The following ATAD3A variants were observed in gnomAD, a reference collection of about 807,000 sequenced individuals.
The protein encoded by ATAD3A is ATPase family AAA domain containing 3A.
Under a neutral mutation model 73.8 loss-of-function variants are expected in ATAD3A, and 46 were observed. The observed-to-expected ratio is 0.62, with a 90% confidence interval of 0.49 to 0.80. The LOEUF (loss-of-function observed/expected upper bound fraction) is 0.80, where lower values mean the gene tolerates loss of function less well. Among genes scored for constraint, ATAD3A ranks in the 30% least tolerant of loss-of-function variants. The pLI is 0.00. For synonymous variants in ATAD3A, 319 were observed against 350.0 expected, an observed-to-expected ratio of 0.91 and a Z score of 0.99; for missense variants, 705 against 838.0, an observed-to-expected ratio of 0.84 and a Z score of 1.96.
intron 4 of ATAD3A, among the ~76,000 whole-genome samples, chr1:1,518,067 G>A (rs1641427479): frequency 6.6e-6 from 1 of 150,846 alleles, no homozygotes; most frequent in African/African-American, 2.4e-5. Context: ...CTGCACACAC[G>A]GGCACACACA....
rs1313616864 is a variant in ATAD3A at position 1,526,963 on chromosome 1, G to A, written c.1337+432G>A. 7.2e-5 allele frequency among the ~76,000 whole-genome samples: 11 copies of A among 152,244 alleles called. No individual in the cohort carries two copies. The East Asian group carries it at 1.7e-3, about 24-fold the overall frequency. The stretch of plus-strand genomic sequence containing the variant: ...ACCAGCAGGTCCTGTGTGTCGGGGC[G>A]GAACCTGGGACCTTGGTCCCCCGCC... On this transcript the variant is annotated intron_variant, in intron 13 of 15. Coordinates refer to ENST00000378756, the MANE Select transcript of ATAD3A (RefSeq NM_001170535.3).
chr1:1,532,863 T>C (rs1235414173), intron 15 of ATAD3A, among the ~76,000 whole-genome samples: 33 of 146,522 alleles, frequency 2.3e-4, no homozygotes, highest in Non-Finnish European at 2.6e-4. Flanking sequence ...GGTGCGGCTC[T>C]GGTCAGTGTC....
In ATAD3A at chr1:1,534,060, C is replaced by T. The variant is rs138170400; in HGVS notation, c.1749C>T (p.Pro583=). Reference sequence around the variant, plus strand: ...AAGGGCCTGGGCGTGGGGACGAGCCCTCCCCATCCTGAGTCCACAGGGAGA... The same window carrying T: ...AAGGGCCTGGGCGTGGGGACGAGCCTTCCCCATCCTGAGTCCACAGGGAGA... The part of the protein sequence containing the change: ...KAEGPGRGDE[P]SPS Residue 583 remains proline, a synonymous_variant, in exon 16 of 16, where the codon CCC becomes CCT. Transcript: ENST00000378756. 10,010 of 1,613,346 alleles carry T rather than the reference C, an allele frequency of 6.2e-3. 47 individuals are homozygous for T. The highest frequency in any genetic ancestry group is 7.5e-3 in the Non-Finnish European group (8,868 of 1,179,820).
At chr1:1,522,153 C>T (rs1237332040) in intron 7 of ATAD3A, among the ~76,000 whole-genome samples, 1 of 152,174 alleles carries the variant, frequency 6.6e-6, no homozygotes, top group African/African-American at 2.4e-5. Context: ...GATTCTCCTG[C>T]CTCAGCCTCC....
intron 10 of ATAD3A, 30 bp from the exon 11 acceptor site, chr1:1,524,243 G>A: frequency 6.2e-7 from 1 of 1,613,788 alleles, no homozygotes; most frequent in Non-Finnish European, 8.5e-7. Context: ...GGGAACATCT[G>A]CTCTGTCTCC....
chr1:1,518,498 G>A (rs186377881), intron 4 of ATAD3A, among the ~76,000 whole-genome samples: 1,162 of 56,250 alleles, frequency 0.021, no homozygotes, highest in Admixed American at 0.087. Flanking sequence ...ACATGGGCAC[G>A]CACACAACCC....
intron 13 of ATAD3A, 100 bp from the exon 14 acceptor site, chr1:1,527,595 C>T (rs1372404895): frequency 1.4e-6 from 2 of 1,433,310 alleles, no homozygotes; most frequent in Middle Eastern, 1.9e-4. Context: ...GTGTTTCCCG[C>T]CACTTTAGGT....
intron 4 of ATAD3A, among the ~76,000 whole-genome samples, chr1:1,518,688 C>CACAA (rs1380884641): frequency 8.4e-6 from 1 of 119,246 alleles, no homozygotes; most frequent in African/African-American, 3.6e-5. Flanking sequence ...CACACACACA[C>CACAA]ACCCAAACGG....
intron 13 of ATAD3A, chr1:1,527,302 C>A: frequency 2.6e-6 from 3 of 1,172,680 alleles, no homozygotes; most frequent in Non-Finnish European, 3.3e-6. Flanking sequence ...AGAGGCAAGG[C>A]TGGGGCCCTG....
At chr1:1,519,155 C>T (rs1465617440) in intron 5 of ATAD3A, among the ~76,000 whole-genome samples, 165 bp downstream of exon 5, 1 of 151,636 alleles carries the variant, frequency 6.6e-6, no homozygotes, top group East Asian at 1.9e-4. Flanking sequence ...CGGAAGACAC[C>T]TCTGTCTGCG....
chr1:1,534,221 G>A lies in ATAD3A; in HGVS notation c.*149G>A, dbSNP rs1287445490. ...TCCCCCAGGATGTCTTGTGGTGCGG[G>A]TCGGCCGTTCTGCCCCCCAGGGCAC... On this transcript the variant is annotated 3_prime_UTR_variant, in exon 16 of 16. Transcript: ENST00000378756. 13 of 1,502,650 alleles carry A rather than the reference G, an allele frequency of 8.7e-6. No individual in the cohort carries two copies. The highest frequency in any genetic ancestry group is 2.9e-5 in the African/African-American group (2 of 69,924). 93.1% of individuals were successfully genotyped at this position (1,502,650 alleles called of 1,614,324 possible). A position where few individuals can be genotyped will look rare whatever the true frequency, so the allele number is the denominator to read the frequency against.
In ATAD3A at chr1:1,534,440, G is replaced by T; in HGVS notation, c.*368G>T. Reference sequence around the variant, plus strand: ...CAGGAGCCAGGCAGGTGATGTCTTTGTTCTCGGCTCCCACAGCAGAGCCAG... The same window carrying T: ...CAGGAGCCAGGCAGGTGATGTCTTTTTTCTCGGCTCCCACAGCAGAGCCAG... On this transcript the variant is annotated 3_prime_UTR_variant, in exon 16 of 16. Coordinates refer to ENST00000378756, the MANE Select transcript of ATAD3A (RefSeq NM_001170535.3). The T allele has an allele frequency of 1.6e-6, 2 of 1,244,140 alleles. No individual in the cohort carries two copies. Among genetic ancestry groups the T allele is most frequent in the Non-Finnish European group, 2.1e-6 (2 of 973,304 alleles). The allele number at this position is 1,244,140 out of a possible 1,614,324, so 77.1% of individuals were successfully genotyped here. A position where few individuals can be genotyped will look rare whatever the true frequency, so the allele number is the denominator to read the frequency against.
At chr1:1,527,448 C>T (rs889626515) in intron 13 of ATAD3A, among the ~76,000 whole-genome samples, 12 of 152,226 alleles carry the variant, frequency 7.9e-5, no homozygotes, top group African/African-American at 2.4e-4. Context: ...GTGGTGTTCC[C>T]GGCACTGCCT....
intron 4 of ATAD3A, among the ~76,000 whole-genome samples, chr1:1,518,030 A>AGCACACACACCCCT (rs1557459512): frequency 1.3e-5 from 2 of 151,648 alleles, no homozygotes; most frequent in Non-Finnish European, 2.9e-5. Flanking sequence ...ACACACTCCC[A>AGCACACACACCCCT]GCACACACAG....
chr1:1,513,542 G>C (rs1423908405), intron 1 of ATAD3A, among the ~76,000 whole-genome samples: 3 of 151,934 alleles, frequency 2.0e-5, no homozygotes, highest in African/African-American at 7.3e-5. Context: ...AGCGGGGCCC[G>C]GGGCAGGGTC....
chr1:1,533,351 G>A (rs902779364), intron 15 of ATAD3A, among the ~76,000 whole-genome samples: 5 of 152,226 alleles, frequency 3.3e-5, no homozygotes. Flanking sequence ...CATTGCAGAA[G>A]GGCTGGACCT....
chr1:1,532,657 G>T lies in ATAD3A; in HGVS notation c.1615-1269G>T, dbSNP rs371782809. ...GGGTGGCCCCGTGAGCATCTGCATA[G>T]CCCCTTTCCTCTGCTGGGCCCTGGG... On this transcript the variant is annotated intron_variant, in intron 15 of 15. Coordinates refer to ENST00000378756, the MANE Select transcript of ATAD3A (RefSeq NM_001170535.3). Among the ~76,000 whole-genome samples the T allele has an allele frequency of 4.7e-3, 712 of 152,308 alleles. 6 individuals carry two copies. The highest frequency in any genetic ancestry group is 0.016 in the African/African-American group (670 of 41,562).
intron 1 of ATAD3A, among the ~76,000 whole-genome samples, chr1:1,514,553 C>T (rs1158400141): frequency 6.6e-6 from 1 of 152,210 alleles, no homozygotes; most frequent in African/African-American, 2.4e-5. Context: ...TGAAATCTGA[C>T]ACTGATGCCC....
At chr1:1,529,980 C>A (rs1008827148) in intron 15 of ATAD3A, among the ~76,000 whole-genome samples, 7 of 152,248 alleles carry the variant, frequency 4.6e-5, no homozygotes, top group African/African-American at 1.7e-4. Context: ...ATCACCACCT[C>A]TGGGGTCCGC....
Sources: allele counts gnomAD v4.1 joint callset (sites outside exome capture counted in the v4.1 genomes callset), GRCh38; gene constraint gnomAD v4.1.1; transcripts MANE v1.5; gene names NCBI Gene and HGNC (gene_info 2026-07-23, HGNC 2026-07-21).